Variants in TM4SF20 observed in about 807,000 individuals in gnomAD.
The protein encoded by TM4SF20 is transmembrane 4 L6 family member 20.
In TM4SF20, 13 loss-of-function variants were observed where a neutral mutation model predicts 15.1. The ratio of observed to expected loss-of-function variants is 0.86; its 90% CI spans 0.56 to 1.36. TM4SF20 has a LOEUF of 1.36. TM4SF20 is among the 40% of genes most tolerant of loss of function. The pLI is 0.00. For synonymous variants in TM4SF20, 92 were observed against 96.6 expected (o/e 0.95, Z 0.28); for missense variants, 282 against 268.4 (o/e 1.05, Z -0.35).
At chr2:227,369,327 T>C (rs2076408892) in intron 2 of TM4SF20, among the ~76,000 whole-genome samples, 1 of 152,200 alleles carries the variant, frequency 6.6e-6, no homozygotes, top group African/African-American at 2.4e-5. Context: ...CCAAATTATC[T>C]TGAGTGCTTT....
At chr2:227,377,352 C>T (rs1055958870) in intron 1 of TM4SF20, among the ~76,000 whole-genome samples, 2 of 152,218 alleles carry the variant, frequency 1.3e-5, no homozygotes, top group African/African-American at 2.4e-5. Context: ...AACAGACACA[C>T]GGATGTACAG....
chr2:227,371,966 G>T (rs1228713821), intron 1 of TM4SF20, among the ~76,000 whole-genome samples: 1 of 152,190 alleles, frequency 6.6e-6, no homozygotes, highest in African/African-American at 2.4e-5. Flanking sequence ...CAGGACTTGG[G>T]TTTCAATTTT....
At position 227,373,375 on chromosome 2, in the gene TM4SF20, C is replaced by T. The variant is rs115954800; in HGVS notation, c.184-2395G>A. On this transcript the variant is annotated intron_variant, in intron 1 of 3. Transcript: ENST00000304568. ...GTATATGGCTGCCTAGCCACCTTGG[C>T]GCATAGCTGAAAGCCCAGAAGAAAA... is the stretch of plus-strand genomic sequence containing the variant. Among the ~76,000 whole-genome samples, 931 of 152,264 alleles carry T rather than the reference C, an allele frequency of 6.1e-3. 3 individuals carry two copies. Among genetic ancestry groups the T allele is most frequent in the African/African-American group, 0.021 (888 of 41,544 alleles).
Position 227,379,214 on chromosome 2 carries a change from G to A in TM4SF20, c.55C>T (p.Leu19=). ...SCNGFSLLVL[L]LLGVVLNAIP... ...GCATTGAGAACTACTCCTAACAGCA[G>A]TAGAACCAGCAGGCTGAATCCATTG... The change falls in exon 1 of 4, where the codon CTG becomes TTG. Residue 19 remains leucine (L), a synonymous_variant. Transcript: ENST00000304568. The A allele has an allele frequency of 4.3e-6, 7 of 1,614,224 alleles. No homozygotes were observed. Among genetic ancestry groups the A allele is most frequent in the Non-Finnish European group, 4.2e-6 (5 of 1,180,036 alleles).
chr2:227,362,352 C>T lies in TM4SF20; in HGVS notation c.*1372G>A, dbSNP rs2106485745. The T allele has an allele frequency of 6.6e-6, 1 of 152,164 alleles. No homozygotes were observed. The highest frequency in any genetic ancestry group is 3.4e-3 in the Middle Eastern group (1 of 294). 9.4% of individuals were successfully genotyped at this position (152,164 alleles called of 1,614,324 possible). ...TAATGAATTGCCATGTACCTGTCAC[C>T]TAAATATAACAGTAAACATCTCCCC... On this transcript the variant is annotated 3_prime_UTR_variant, in exon 4 of 4. Coordinates refer to ENST00000304568, the MANE Select transcript of TM4SF20 (RefSeq NM_024795.4).
chr2:227,378,791 A>C (rs1045351401), intron 1 of TM4SF20, among the ~76,000 whole-genome samples: 1 of 152,224 alleles, frequency 6.6e-6, no homozygotes, highest in African/African-American at 2.4e-5. Flanking sequence ...CCTAACTCTA[A>C]CCACAAAGCT....
chr2:227,378,942 C>A lies in TM4SF20; in HGVS notation c.183+144G>T, dbSNP rs765319596. The A allele has an allele frequency of 3.9e-4, 288 of 732,534 alleles. No individual in the cohort carries two copies. In the Middle Eastern group the frequency reaches 4.3e-3, roughly 11 times the overall value. The allele number at this position is 732,534 out of a possible 1,614,324, so 45.4% of individuals were successfully genotyped here. A position where few individuals can be genotyped will look rare whatever the true frequency, so the allele number is the denominator to read the frequency against. ...TTAAATTACCATTCTTCACTGATGA[C>A]CAATATAAATTAATGCCATACTACT... On this transcript the variant is annotated intron_variant, in intron 1 of 3. Transcript: ENST00000304568.
chr2:227,372,418 G>A (rs564336134), intron 1 of TM4SF20, among the ~76,000 whole-genome samples: 1 of 152,148 alleles, frequency 6.6e-6, no homozygotes, highest in South Asian at 2.1e-4. Flanking sequence ...GGCCGAGGTG[G>A]GTGGATCACG....
In TM4SF20 at chr2:227,370,301, C is replaced by A. The variant is rs146338769; in HGVS notation, c.249+614G>T. Among the ~76,000 whole-genome samples, 3 of 152,230 alleles carry A rather than the reference C, an allele frequency of 2.0e-5. No homozygotes were observed. In the East Asian group the frequency reaches 5.8e-4, roughly 29 times the overall value. ...CACCCGAGTATTATGAAATTGATTG[C>A]AGCTGTGGGCGTGACTTACCAATCT... On this transcript the variant is annotated intron_variant, in intron 2 of 3. Transcript: ENST00000304568.
At position 227,379,091 on chromosome 2, in the gene TM4SF20, G is replaced by A. The variant is rs1231181557; in HGVS notation, c.178C>T (p.Leu60=). Residue 60 remains leucine, a synonymous_variant, in exon 1 of 4, where the codon CTG becomes TTG. Transcript: ENST00000304568. ...WWFPGIIGAG[L]MAIPATTMSL... is the part of the protein sequence containing the mutation. ...GTCAAATAAATATCACTCACCATCA[G>A]ACCTGCTCCTATAATTCCTGGGAAC... is the stretch of plus-strand genomic sequence containing the variant. 6.2e-7 allele frequency: 1 copy of A among 1,614,050 alleles called. No homozygotes were observed. The highest frequency in any genetic ancestry group is 1.3e-5 in the African/African-American group (1 of 75,044).
chr2:227,365,572 GTTGCTC>G (rs2076388854), intron 3 of TM4SF20, among the ~76,000 whole-genome samples: 1 of 152,100 alleles, frequency 6.6e-6, no homozygotes, highest in African/African-American at 2.4e-5. Flanking sequence ...GAATCCATTG[GTTGCTC>G]TTCCATTTAA....
rs556526730 is a variant in TM4SF20, at chr2:227,373,299, C to T, written c.184-2319G>A. 4.6e-5 allele frequency among the ~76,000 whole-genome samples: 7 copies of T among 152,312 alleles called. No individual in the cohort carries two copies. The South Asian group carries it at 1.2e-3, about 27-fold the overall frequency. On this transcript the variant is annotated intron_variant, in intron 1 of 3. Transcript: ENST00000304568. ...CACTTTGTATTATTATCAAGCTTTG[C>T]TTACACATTGCCTTGAACACCACCA...
intron 1 of TM4SF20, among the ~76,000 whole-genome samples, chr2:227,373,719 A>G (rs1365516471): frequency 7.2e-5 from 11 of 152,038 alleles, no homozygotes; most frequent in Non-Finnish European, 1.3e-4. Context: ...TCACGAGATC[A>G]GGAGATCGAG....
intron 1 of TM4SF20, among the ~76,000 whole-genome samples, chr2:227,371,628 C>T (rs542903837): frequency 1.0e-3 from 153 of 152,254 alleles, no homozygotes; most frequent in Admixed American, 2.9e-3. Flanking sequence ...ACGCCTGGCC[C>T]GATTTCCCAG....
At chr2:227,371,113 A>T (rs1322103439) in intron 1 of TM4SF20, 133 bp from the exon 2 acceptor site, 1 of 797,716 alleles carries the variant, frequency 1.3e-6, no homozygotes, top group East Asian at 2.6e-5. Flanking sequence ...ATTTGGCAAT[A>T]TCCGTGGTTT....
chr2:227,364,435 G>A (rs1259124518), intron 3 of TM4SF20, among the ~76,000 whole-genome samples: 1 of 146,450 alleles, frequency 6.8e-6, no homozygotes, highest in Non-Finnish European at 1.5e-5. Context: ...GAACTACAGC[G>A]TGGCGTCCGT....
rs2076376679 is a variant in TM4SF20 at position 227,363,897 on chromosome 2, A to T, written c.517T>A (p.Ser173Thr). Reference sequence around the variant, plus strand: ...TCTTCAGAATCGAAGTGGAAACTAGATGCTCTCCAGCCACTCGCCATGGTG... The same window carrying T: ...TCTTCAGAATCGAAGTGGAAACTAGTTGCTCTCCAGCCACTCGCCATGGTG... ...NDTMASGWRA[S>T]SFHFDSEENK... The change falls in exon 4 of 4, where the codon TCT (serine) becomes ACT (threonine). Residue 173 changes from serine (S) to threonine (T), a missense_variant. By Grantham distance (58) the Ser-to-Thr change is moderately conservative (BLOSUM62 1). Coordinates refer to ENST00000304568, the MANE Select transcript of TM4SF20 (RefSeq NM_024795.4). The T allele has an allele frequency of 4.3e-6, 7 of 1,614,168 alleles. No homozygotes were observed. The highest frequency in any genetic ancestry group is 8.5e-7 in the Non-Finnish European group (1 of 1,180,022).
chr2:227,380,260 G>T (rs1398261914), upstream of TM4SF20, among the ~76,000 whole-genome samples: 1 of 152,224 alleles, frequency 6.6e-6, no homozygotes, highest in East Asian at 1.9e-4. Context: ...AACCTGGGGG[G>T]TGGAGGTTGC....
rs998707448 is a variant in TM4SF20, at chr2:227,362,792, T to C, written c.*932A>G. On this transcript the variant is annotated 3_prime_UTR_variant, in exon 4 of 4. Transcript: ENST00000304568. The stretch of plus-strand genomic sequence containing the variant: ...AAAACACTTCTGATCTTAATCATTT[T>C]GGATAAGGGGTACTCAGCCTTTATA... 8 of 152,234 alleles carry C rather than the reference T, an allele frequency of 5.3e-5. No individual in the cohort carries two copies. The highest frequency in any genetic ancestry group is 1.9e-4 in the African/African-American group (8 of 41,460). 9.4% of individuals were successfully genotyped at this position (152,234 alleles called of 1,614,324 possible).
Sources: gnomAD v4.1 joint callset for allele counts (sites outside exome capture counted in the v4.1 genomes callset) on GRCh38, gnomAD v4.1.1 for gene constraint, MANE v1.5 for transcripts, NCBI Gene and HGNC (gene_info 2026-07-23, HGNC 2026-07-21) for gene names.